Variants in COL19A1 observed in about 807,000 individuals in gnomAD.
COL19A1 encodes collagen type XIX alpha 1 chain, also known as collagen alpha-1(XIX) chain.
COL19A1 carries 159 observed loss-of-function variants against 190.2 expected under a neutral mutation model. The observed-to-expected ratio is 0.84, with a 90% CI of 0.73 to 0.95. The LOEUF (loss-of-function observed/expected upper bound fraction) is 0.95. Among genes scored for constraint, COL19A1 ranks in the 40% least tolerant of loss-of-function variants. COL19A1 has a pLI of 0.00. For synonymous variants in COL19A1, 509 were observed against 458.9 expected, an observed-to-expected ratio of 1.11 and a Z score of -1.39; for missense variants, 1,418 against 1,431.9, an observed-to-expected ratio of 0.99 and a Z score of 0.16.
chr6:69,959,850 C>G (rs918201010), intron 9 of COL19A1, 146 bp from the exon 10 acceptor site: 1 of 567,642 alleles, frequency 1.8e-6, no homozygotes, highest in Non-Finnish European at 2.9e-6. Flanking sequence ...AAATAAGGAA[C>G]AGATGGAAAG....
intron 11 of COL19A1, among the ~76,000 whole-genome samples, chr6:70,000,741 T>C (rs1308081331): frequency 6.6e-6 from 1 of 152,204 alleles, no homozygotes; most frequent in Non-Finnish European, 1.5e-5. Context: ...GTATATTTGT[T>C]TAAGTTCATT....
intron 2 of COL19A1, 145 bp downstream of exon 2, chr6:69,879,803 C>T (rs1006004004): frequency 1.4e-6 from 1 of 737,594 alleles, no homozygotes; most frequent in African/African-American, 1.8e-5. Context: ...TTCCATTGAT[C>T]TTCCCATGAT....
chr6:70,179,146 G>A (rs1047853731), intron 42 of COL19A1, among the ~76,000 whole-genome samples: 2 of 152,128 alleles, frequency 1.3e-5, no homozygotes, highest in Non-Finnish European at 2.9e-5. Flanking sequence ...ACCCAGGGAT[G>A]CTCTCTCTAA....
At chr6:69,926,839 G>T (rs1453125224) in intron 4 of COL19A1, among the ~76,000 whole-genome samples, 1 of 152,094 alleles carries the variant, frequency 6.6e-6, no homozygotes, top group East Asian at 1.9e-4. Flanking sequence ...ACTGCCAAAA[G>T]TCAAAGAGAG....
intron 16 of COL19A1, among the ~76,000 whole-genome samples, chr6:70,105,575 G>A (rs189898779): frequency 6.6e-6 from 1 of 152,140 alleles, no homozygotes; most frequent in East Asian, 1.9e-4. Flanking sequence ...CCTTAATTGT[G>A]GACATTTTTA....
intron 42 of COL19A1, among the ~76,000 whole-genome samples, chr6:70,177,020 T>A (rs1765853928): frequency 6.6e-6 from 1 of 152,250 alleles, no homozygotes; most frequent in Non-Finnish European, 1.5e-5. Flanking sequence ...TTGCTGCTAA[T>A]GTTTCCTCAT....
intron 17 of COL19A1, among the ~76,000 whole-genome samples, chr6:70,125,057 G>C (rs1054316822): frequency 1.3e-5 from 2 of 151,872 alleles, no homozygotes; most frequent in African/African-American, 4.8e-5. Flanking sequence ...TTTTCCATTG[G>C]CATTGTCTCC....
At chr6:70,060,565 T>G (rs1223370139) in intron 14 of COL19A1, among the ~76,000 whole-genome samples, 1 of 152,068 alleles carries the variant, frequency 6.6e-6, no homozygotes, top group African/African-American at 2.4e-5. Context: ...TAGATTCTCA[T>G]AAGAGCATGA....
Position 70,112,929 on chromosome 6 carries a change from T to G in COL19A1, c.1279-8951T>G, listed in dbSNP as rs910834026. On this transcript the variant is annotated intron_variant, in intron 16 of 50. Transcript: ENST00000620364. ...AGCCCAGCTCAAGTGAACACTTTCCTGGAATACACGGGGGAACGAGTTTGA... is the reference window on the plus strand; with the variant it reads ...AGCCCAGCTCAAGTGAACACTTTCCGGGAATACACGGGGGAACGAGTTTGA... 1.4e-4 allele frequency among the ~76,000 whole-genome samples: 22 copies of G among 152,332 alleles called. No homozygotes were observed. The South Asian group carries it at 1.7e-3, about 11-fold the overall frequency.
intron 2 of COL19A1, among the ~76,000 whole-genome samples, chr6:69,895,184 C>G (rs779886126): frequency 2.0e-5 from 3 of 151,936 alleles, no homozygotes; most frequent in African/African-American, 4.8e-5. Context: ...GTGTGGGGAT[C>G]GGCATGGAGC....
At chr6:69,876,414 A>G (rs909535701) in intron 1 of COL19A1, among the ~76,000 whole-genome samples, 3 of 150,192 alleles carry the variant, frequency 2.0e-5, no homozygotes, top group African/African-American at 7.3e-5. Context: ...CCAAATATCA[A>G]TATCAACCTC....
intron 33 of COL19A1, 126 bp from the exon 34 acceptor site, chr6:70,156,544 G>C: frequency 2.7e-6 from 3 of 1,114,730 alleles, no homozygotes; most frequent in South Asian, 3.0e-5. Context: ...TGCAAATGTT[G>C]CCATTTATTT....
Position 70,188,102 on chromosome 6 carries a change from G to T in COL19A1, c.2884G>T (p.Gly962Cys). Reference protein sequence around the residue: ...RGDQGIPGDRGSQGERGKPGL... With the variant: ...RGDQGIPGDRCSQGERGKPGL... ...TGATCAGGGGATTCCAGGAGACAGAGGCTCACAAGGTGAACGGGGAAAACC... is the reference window on the plus strand; with the variant it reads ...TGATCAGGGGATTCCAGGAGACAGATGCTCACAAGGTGAACGGGGAAAACC... Residue 962 changes from glycine (G) to cysteine (C), a missense_variant, in exon 47 of 51, where the codon GGC (glycine) becomes TGC (cysteine). Gly to Cys is a radical substitution (Grantham distance 159, BLOSUM62 -3). Coordinates refer to ENST00000620364, the MANE Select transcript of COL19A1 (RefSeq NM_001858.6). 6.2e-7 allele frequency: 1 copy of T among 1,613,354 alleles called. No homozygotes were observed.
chr6:70,114,437 G>GT (rs1784452071), intron 16 of COL19A1, among the ~76,000 whole-genome samples: 2 of 152,154 alleles, frequency 1.3e-5, no homozygotes, highest in African/African-American at 4.8e-5. Flanking sequence ...TTAGTCTTTT[G>GT]TTATGTGTAA....
intron 12 of COL19A1, among the ~76,000 whole-genome samples, chr6:70,032,339 T>A (rs984517436): frequency 6.6e-6 from 1 of 152,164 alleles, no homozygotes; most frequent in African/African-American, 2.4e-5. Flanking sequence ...ATGGTCCAGG[T>A]CTAGCTGAGA....
intron 9 of COL19A1, among the ~76,000 whole-genome samples, chr6:69,946,857 T>C (rs1351217709): frequency 6.6e-6 from 1 of 151,850 alleles, no homozygotes; most frequent in Non-Finnish European, 1.5e-5. Context: ...AGTCCTATAG[T>C]TTAGAGGTAA....
At chr6:70,156,430 A>G in intron 33 of COL19A1, 61 bp downstream of exon 33, 3 of 1,511,608 alleles carry the variant, frequency 2.0e-6, no homozygotes, top group Non-Finnish European at 2.7e-6. Context: ...GAAAAAAAGA[A>G]CCCGATTTGA....
rs1765359065 is a variant in COL19A1 at position 70,169,269 on chromosome 6, A to G, written c.2568+588A>G. Among the ~76,000 whole-genome samples the G allele has an allele frequency of 2.6e-5, 4 of 152,294 alleles. No individual in the cohort carries two copies. The South Asian group carries it at 8.3e-4, about 32-fold the overall frequency. On this transcript the variant is annotated intron_variant, in intron 40 of 50. Transcript: ENST00000620364. ...CTTTCTGAACCATGGAGCCTCTGTAAAAGTTCTGCCAAATTCAATTAGATG... is the reference window on the plus strand; with the variant it reads ...CTTTCTGAACCATGGAGCCTCTGTAGAAGTTCTGCCAAATTCAATTAGATG...
chr6:70,184,985 C>T (rs1766416451), intron 46 of COL19A1, 70 bp downstream of exon 46: 2 of 1,475,342 alleles, frequency 1.4e-6, no homozygotes, highest in African/African-American at 2.8e-5. Flanking sequence ...TTGAGTTACA[C>T]AATTATGTGT....
Sources: gnomAD v4.1 joint callset for allele counts (sites outside exome capture counted in the v4.1 genomes callset) on GRCh38, gnomAD v4.1.1 for gene constraint, MANE v1.5 for transcripts, NCBI Gene and HGNC (gene_info 2026-07-23, HGNC 2026-07-21) for gene names.